FSTL5: variants seen among roughly 807,000 people sequenced by gnomAD.
FSTL5 encodes the protein follistatin-related protein 5.
A neutral mutation model predicts 89.1 loss-of-function variants in FSTL5; 62 were observed. That is an observed-to-expected ratio of 0.70 (90% CI 0.57 to 0.86). The LOEUF is 0.86. Ranked by LOEUF, FSTL5 falls within the 40% of genes least tolerant of loss-of-function variation. The pLI is 0.00. For missense variants in FSTL5, 1,057 were observed against 1,001.6 expected (o/e 1.06, Z -0.75); for synonymous variants, 383 against 346.2 (o/e 1.11, Z -1.18).
At chr4:161,884,949 T>G (rs1732753018) in intron 4 of FSTL5, among the ~76,000 whole-genome samples, 1 of 152,046 alleles carries the variant, frequency 6.6e-6, no homozygotes, top group Non-Finnish European at 1.5e-5. Flanking sequence ...CATCTCAATT[T>G]TAGATATTTG....
intron 3 of FSTL5, among the ~76,000 whole-genome samples, chr4:161,974,014 T>A (rs1414604818): frequency 6.6e-6 from 1 of 152,064 alleles, no homozygotes; most frequent in African/African-American, 2.4e-5. Flanking sequence ...CACAATTGCT[T>A]CAAAGAGAAT....
At chr4:161,672,486 G>A (rs573051455) in intron 6 of FSTL5, among the ~76,000 whole-genome samples, 1 of 151,928 alleles carries the variant, frequency 6.6e-6, no homozygotes, top group Non-Finnish European at 1.5e-5. Context: ...TTTGTAGGAA[G>A]AATGGCCAAA....
chr4:161,569,001 T>A (rs941157221), intron 8 of FSTL5, among the ~76,000 whole-genome samples: 3 of 152,210 alleles, frequency 2.0e-5, no homozygotes, highest in African/African-American at 7.2e-5. Flanking sequence ...CTGTTATTTA[T>A]GTATTTTCTT....
intron 4 of FSTL5, among the ~76,000 whole-genome samples, chr4:161,872,815 T>G (rs114739085): frequency 0.015 from 2,315 of 152,250 alleles, 56 homozygotes; most frequent in African/African-American, 0.054. Context: ...ACAAAAACTA[T>G]AAGGATTATG....
chr4:161,657,375 T>A (rs1442655382), intron 6 of FSTL5, among the ~76,000 whole-genome samples: 1 of 152,192 alleles, frequency 6.6e-6, no homozygotes, highest in African/African-American at 2.4e-5. Context: ...GTCTTGTATT[T>A]TGACTTTGCT....
chr4:161,451,514 C>A (rs1056677645), intron 15 of FSTL5, among the ~76,000 whole-genome samples: 1 of 152,126 alleles, frequency 6.6e-6, no homozygotes, highest in African/African-American at 2.4e-5. Context: ...GTAGAGATTA[C>A]GAAGTCTGGA....
intron 8 of FSTL5, among the ~76,000 whole-genome samples, chr4:161,576,761 T>C (rs1733223062): frequency 6.6e-6 from 1 of 152,228 alleles, no homozygotes; most frequent in Non-Finnish European, 1.5e-5. Flanking sequence ...TTTTCTAGTA[T>C]CATAATTGAG....
At chr4:161,520,303 T>C (rs953323169) in intron 10 of FSTL5, among the ~76,000 whole-genome samples, 3 of 151,774 alleles carry the variant, frequency 2.0e-5, no homozygotes, top group Admixed American at 6.6e-5. Context: ...CACTGTTTAA[T>C]ATTTAAGTGT....
chr4:162,067,889 T>C (rs1236924395), intron 2 of FSTL5, among the ~76,000 whole-genome samples: 1 of 151,930 alleles, frequency 6.6e-6, no homozygotes, highest in Non-Finnish European at 1.5e-5. Flanking sequence ...ATTGCAAGCA[T>C]TCCTATACAC....
At chr4:161,602,198 G>T (rs1489884539) in intron 7 of FSTL5, among the ~76,000 whole-genome samples, 3 of 151,040 alleles carry the variant, frequency 2.0e-5, no homozygotes, top group African/African-American at 7.3e-5. Context: ...CAAAAAGCGT[G>T]TGCGCACGCA....
chr4:161,476,186 T>G (rs1185511665), intron 13 of FSTL5, among the ~76,000 whole-genome samples: 1 of 108,824 alleles, frequency 9.2e-6, no homozygotes. Flanking sequence ...TTTTTTTTTT[T>G]TTGTTTGTTT....
At chr4:161,718,586 G>T (rs1579045193) in intron 6 of FSTL5, among the ~76,000 whole-genome samples, 1 of 152,082 alleles carries the variant, frequency 6.6e-6, no homozygotes, top group East Asian at 1.9e-4. Context: ...GTGCCACCAT[G>T]CCCGGCTACT....
intron 6 of FSTL5, among the ~76,000 whole-genome samples, chr4:161,693,840 A>G (rs991156629): frequency 8.6e-5 from 13 of 151,758 alleles, no homozygotes; most frequent in African/African-American, 2.9e-4. Context: ...GGTTTTCGCC[A>G]TGCTAGCCAG....
chr4:161,549,051 A>G (rs1443714810), intron 8 of FSTL5, among the ~76,000 whole-genome samples: 1 of 151,736 alleles, frequency 6.6e-6, no homozygotes, highest in African/African-American at 2.4e-5. Context: ...TAATATTGAG[A>G]ATAATATTGT....
At chr4:162,046,130 A>G (rs559193861) in intron 2 of FSTL5, among the ~76,000 whole-genome samples, 1 of 152,312 alleles carries the variant, frequency 6.6e-6, no homozygotes, top group Non-Finnish European at 1.5e-5. Context: ...CACTATTGGA[A>G]CACGGGTTTT....
At chr4:162,052,129 G>C (rs1168079033) in intron 2 of FSTL5, among the ~76,000 whole-genome samples, 2 of 151,522 alleles carry the variant, frequency 1.3e-5, no homozygotes, top group Non-Finnish European at 3.0e-5. Flanking sequence ...ACAGAGACTT[G>C]ATGTAAAGAG....
At chr4:161,667,913 T>C (rs1166004047) in intron 6 of FSTL5, among the ~76,000 whole-genome samples, 2 of 151,968 alleles carry the variant, frequency 1.3e-5, no homozygotes, top group Non-Finnish European at 2.9e-5. Flanking sequence ...ATTGAATACA[T>C]ATATTAACAA....
At chr4:161,704,671 A>G (rs1465170803) in intron 6 of FSTL5, among the ~76,000 whole-genome samples, 1 of 152,100 alleles carries the variant, frequency 6.6e-6, no homozygotes, top group Non-Finnish European at 1.5e-5. Flanking sequence ...AGTTAAGAGT[A>G]TTAAGCTCAT....
At chr4:161,573,592 G>C (rs1397637830) in intron 8 of FSTL5, among the ~76,000 whole-genome samples, 1 of 151,060 alleles carries the variant, frequency 6.6e-6, no homozygotes, top group Non-Finnish European at 1.5e-5. Flanking sequence ...AATCAGCCAG[G>C]CATGGTGGTG....
Sources: allele counts gnomAD v4.1 joint callset (sites outside exome capture counted in the v4.1 genomes callset), GRCh38; gene constraint gnomAD v4.1.1; transcripts MANE v1.5; gene names NCBI Gene and HGNC (gene_info 2026-07-23, HGNC 2026-07-21).